Variants in PCDHA9 observed in about 807,000 individuals in gnomAD.
The protein encoded by PCDHA9 is protocadherin alpha 9.
In PCDHA9, 62 loss-of-function variants were observed where a neutral mutation model predicts 62.0. That is an observed-to-expected ratio of 1.00 (90% CI 0.81 to 1.23). The LOEUF (loss-of-function observed/expected upper bound fraction) is 1.23. Among genes scored for constraint, PCDHA9 ranks in the 50% most tolerant of loss-of-function variants. The pLI, the probability that PCDHA9 is intolerant of heterozygous loss-of-function variation, is 0.00. For missense variants in PCDHA9, 1,205 were observed against 1,249.8 expected, an observed-to-expected ratio of 0.96 and a Z score of 0.54; for synonymous variants, 557 against 567.6, an observed-to-expected ratio of 0.98 and a Z score of 0.27.
chr5:140,903,753 A>T (rs1554191101), intron 1 of PCDHA9, among the ~76,000 whole-genome samples: 2 of 152,186 alleles, frequency 1.3e-5, no homozygotes, highest in African/African-American at 4.8e-5. Context: ...GTTTCCCTTG[A>T]TTTTTGCTGA....
intron 1 of PCDHA9, chr5:140,857,217 C>T: frequency 1.9e-6 from 3 of 1,598,492 alleles, no homozygotes; most frequent in South Asian, 2.2e-5. Flanking sequence ...TCTCTGACGC[C>T]TCACGTTCCG....
chr5:140,938,926 T>C (rs149516801), intron 1 of PCDHA9, among the ~76,000 whole-genome samples: 9 of 152,172 alleles, frequency 5.9e-5, no homozygotes, highest in Non-Finnish European at 1.2e-4. Context: ...AGAAATTGGC[T>C]TTTAACTTTC....
rs2098417657 is a variant in PCDHA9, at chr5:141,010,566, C to T, written c.*629C>T. 3.4e-6 allele frequency: 1 copy of T among 290,180 alleles called. No individual in the cohort carries two copies. The highest frequency in any genetic ancestry group is 6.5e-6 in the Non-Finnish European group (1 of 154,226). The allele number at this position is 290,180 out of a possible 1,614,324, so 18.0% of individuals were successfully genotyped here. ...GACAAAACTACCCCCACTGACAAGG[C>T]TTTAGGAGACCCTAAAGTCTGTTGG... On this transcript the variant is annotated 3_prime_UTR_variant, in exon 4 of 4. Coordinates refer to ENST00000532602, the MANE Select transcript of PCDHA9 (RefSeq NM_031857.2).
chr5:141,008,654 C>T (rs1554261865), intron 3 of PCDHA9, among the ~76,000 whole-genome samples: 1 of 152,124 alleles, frequency 6.6e-6, no homozygotes, highest in Non-Finnish European at 1.5e-5. Context: ...TTCTGGAGTC[C>T]CACAATACTT....
At chr5:140,982,054 G>T (rs565307071) in intron 2 of PCDHA9, among the ~76,000 whole-genome samples, 1 of 152,322 alleles carries the variant, frequency 6.6e-6, no homozygotes, top group East Asian at 1.9e-4. Context: ...AAATATTTTA[G>T]TGTGTTTTCT....
At chr5:140,917,498 G>A (rs1303014069) in intron 1 of PCDHA9, among the ~76,000 whole-genome samples, 2 of 152,204 alleles carry the variant, frequency 1.3e-5, no homozygotes, top group African/African-American at 4.8e-5. Context: ...TGCCCAGAAT[G>A]ATATTTTCTA....
chr5:140,969,464 C>A, intron 1 of PCDHA9: 1 of 1,491,558 alleles, frequency 6.7e-7, no homozygotes. Flanking sequence ...ATATAGTATC[C>A]ACAATTTGAT....
At chr5:140,962,428 C>G (rs1359949802) in intron 1 of PCDHA9, among the ~76,000 whole-genome samples, 1 of 152,136 alleles carries the variant, frequency 6.6e-6, no homozygotes, top group Non-Finnish European at 1.5e-5. Flanking sequence ...TTTATTGTTA[C>G]TTATCCAAAG....
intron 1 of PCDHA9, chr5:140,882,378 A>G: frequency 6.2e-7 from 1 of 1,614,186 alleles, no homozygotes; most frequent in Non-Finnish European, 8.5e-7. Flanking sequence ...TCCGTCCCCG[A>G]GGAAGCAAAA....
chr5:140,922,049 T>G (rs1368623726), intron 1 of PCDHA9, among the ~76,000 whole-genome samples: 1 of 152,066 alleles, frequency 6.6e-6, no homozygotes, highest in African/African-American at 2.4e-5. Context: ...CCCACATACC[T>G]TCAAAATGTA....
At chr5:140,892,891 C>T (rs563104545) in intron 1 of PCDHA9, among the ~76,000 whole-genome samples, 1 of 152,264 alleles carries the variant, frequency 6.6e-6, no homozygotes, top group South Asian at 2.1e-4. Context: ...ATTAACCAAC[C>T]TTTCCCCATC....
At chr5:140,851,245 A>G (rs2042003165) in intron 1 of PCDHA9, 2 of 1,104,800 alleles carry the variant, frequency 1.8e-6, no homozygotes, top group Non-Finnish European at 2.3e-6. Flanking sequence ...TTGCTAAATG[A>G]TGCATAGTAT....
chr5:140,858,506 A>C (rs1581511575), intron 1 of PCDHA9: 1 of 1,447,272 alleles, frequency 6.9e-7, no homozygotes, highest in Non-Finnish European at 9.5e-7. Context: ...CATTTTCTCA[A>C]ATATGTATCA....
At chr5:140,994,387 C>G (rs192635308) in intron 3 of PCDHA9, among the ~76,000 whole-genome samples, 1 of 152,174 alleles carries the variant, frequency 6.6e-6, no homozygotes, top group South Asian at 2.1e-4. Context: ...GGGACTAAGT[C>G]AGAGATTATT....
intron 1 of PCDHA9, chr5:140,882,711 C>T (rs1554175311): frequency 6.2e-7 from 1 of 1,614,160 alleles, no homozygotes; most frequent in Non-Finnish European, 8.5e-7. Context: ...TCTAGACCTC[C>T]GGAAACTCGA....
intron 1 of PCDHA9, among the ~76,000 whole-genome samples, chr5:140,902,016 T>C (rs541579348): frequency 1.3e-5 from 2 of 152,274 alleles, no homozygotes; most frequent in South Asian, 4.1e-4. Context: ...TTGGGACATA[T>C]AGAAATACTA....
intron 1 of PCDHA9, chr5:140,870,171 C>T: frequency 6.2e-7 from 1 of 1,614,140 alleles, no homozygotes; most frequent in East Asian, 2.2e-5. Context: ...CCTTGTCCCT[C>T]CCAGTACGAG....
At chr5:140,987,022 T>C (rs1218338191) in intron 3 of PCDHA9, among the ~76,000 whole-genome samples, 1 of 152,068 alleles carries the variant, frequency 6.6e-6, no homozygotes, top group African/African-American at 2.4e-5. Flanking sequence ...GAGACCAGCC[T>C]GGTCAACATG....
intron 1 of PCDHA9, among the ~76,000 whole-genome samples, chr5:140,959,564 G>T (rs1440482785): frequency 6.6e-6 from 1 of 152,072 alleles, no homozygotes; most frequent in Non-Finnish European, 1.5e-5. Flanking sequence ...ATCAGTACTA[G>T]ATTTTTTGTT....
Sources: gnomAD v4.1 joint callset for allele counts (sites outside exome capture counted in the v4.1 genomes callset) on GRCh38, gnomAD v4.1.1 for gene constraint, MANE v1.5 for transcripts, NCBI Gene and HGNC (gene_info 2026-07-23, HGNC 2026-07-21) for gene names.